Variants in SBNO2 observed in about 807,000 individuals in gnomAD.
SBNO2 encodes the protein strawberry notch homolog 2, also known as protein strawberry notch homolog 2.
SBNO2 carries 89 observed loss-of-function variants against 146.3 expected under a neutral mutation model. That is an observed-to-expected ratio of 0.61 (90% CI 0.51 to 0.73). The LOEUF is 0.73. SBNO2 is among the 30% of genes least tolerant of loss of function. The probability of loss-of-function intolerance (pLI) is 0.00; values close to 1 mark genes in which losing one functional copy is unlikely to be tolerated. For synonymous variants in SBNO2, 1,147 were observed against 892.6 expected (o/e 1.29, Z -5.08); for missense variants, 2,092 against 2,003.7 (o/e 1.04, Z -0.84).
chr19:1,127,598 A>G lies in SBNO2; in HGVS notation c.441+6T>C. ...GGGGCTGGCTGGGGGCACCGGGCGC[A>G]CTGACCTTATCGTGGGTGGAGGGGG... On this transcript the variant is annotated splice_donor_region_variant and intron_variant, in intron 5 of 31. Coordinates refer to ENST00000361757, the MANE Select transcript of SBNO2 (RefSeq NM_014963.3). 6.2e-7 allele frequency: 1 copy of G among 1,611,456 alleles called. No individual in the cohort carries two copies. The highest frequency in any genetic ancestry group is 8.5e-7 in the Non-Finnish European group (1 of 1,179,592).
chr19:1,172,267 GC>G (rs2080485249), intron 1 of SBNO2, among the ~76,000 whole-genome samples: 1 of 152,150 alleles, frequency 6.6e-6, no homozygotes, highest in Non-Finnish European at 1.5e-5. Flanking sequence ...AGGCCCTGAG[GC>G]CCCCATCCTG....
intron 5 of SBNO2, among the ~76,000 whole-genome samples, chr19:1,127,193 T>TCTGA (rs1438816865): frequency 6.6e-6 from 1 of 152,178 alleles, no homozygotes; most frequent in Non-Finnish European, 1.5e-5. Context: ...GCGCTGCCTC[T>TCTGA]CCAGGGGGCC....
At chr19:1,129,741 A>C (rs1223366091) in intron 4 of SBNO2, among the ~76,000 whole-genome samples, 1 of 152,178 alleles carries the variant, frequency 6.6e-6, no homozygotes, top group Non-Finnish European at 1.5e-5. Flanking sequence ...AGCGGGGGTG[A>C]GTTGCTATCG....
chr19:1,108,712 C>A lies in SBNO2; in HGVS notation c.3617-8G>T. 6.4e-7 allele frequency: 1 copy of A among 1,557,564 alleles called. No homozygotes were observed. Among genetic ancestry groups the A allele is most frequent in the Non-Finnish European group, 8.6e-7 (1 of 1,159,872 alleles). On this transcript the variant is annotated splice_region_variant and splice_polypyrimidine_tract_variant and intron_variant, in intron 31 of 31. Coordinates refer to ENST00000361757, the MANE Select transcript of SBNO2 (RefSeq NM_014963.3). ...CCTCGGGGATCTTGATGCCTGCGGG[C>A]AGAGCGTCGGGGTCAGGGCCGGCGC...
chr19:1,135,874 G>A (rs1369576039), intron 4 of SBNO2, among the ~76,000 whole-genome samples: 2 of 152,188 alleles, frequency 1.3e-5, no homozygotes. Flanking sequence ...GTGGCTGGGA[G>A]AAGGGCCCCT....
At chr19:1,124,318 C>T (rs2079940574) in intron 5 of SBNO2, among the ~76,000 whole-genome samples, 1 of 152,202 alleles carries the variant, frequency 6.6e-6, no homozygotes, top group Admixed American at 6.5e-5. Context: ...AGGAAGGTGC[C>T]CGGCTAGTTC....
intron 15 of SBNO2, 24 bp downstream of exon 15, chr19:1,117,299 C>G: frequency 1.3e-6 from 2 of 1,546,418 alleles, no homozygotes; most frequent in East Asian, 2.4e-5. Flanking sequence ...CCGCCCTCAG[C>G]CCTCGAAGGC....
chr19:1,138,847 C>T (rs1215095631), intron 4 of SBNO2, among the ~76,000 whole-genome samples: 2 of 151,406 alleles, frequency 1.3e-5, no homozygotes, highest in African/African-American at 2.4e-5. Flanking sequence ...GCCTCCATCA[C>T]GGACAGACAC....
intron 24 of SBNO2, 121 bp from the exon 25 acceptor site, chr19:1,111,214 G>A (rs2079755412): frequency 1.9e-6 from 2 of 1,038,334 alleles, no homozygotes; most frequent in African/African-American, 1.6e-5. Context: ...GCAGCCTAGG[G>A]CCAGGGCCAG....
rs958337079 is a variant in SBNO2 at position 1,140,369 on chromosome 19, C to T, written c.279+6940G>A. On this transcript the variant is annotated intron_variant, in intron 4 of 31. Transcript: ENST00000361757. The surrounding 1 kb of genome is among the most constrained non-coding windows in gnomAD (Gnocchi z 4.4). ...AGAACCACGGTTCACCTGCACACCG[C>T]GGCAGGGGGCCCCACCAGGACACAC... 5.3e-5 allele frequency among the ~76,000 whole-genome samples: 8 copies of T among 152,088 alleles called. No individual in the cohort carries two copies. The highest frequency in any genetic ancestry group is 1.7e-4 in the African/African-American group (7 of 41,412).
At chr19:1,147,491 C>A in intron 3 of SBNO2, 71 bp from the exon 4 acceptor site, 1 of 882,526 alleles carries the variant, frequency 1.1e-6, no homozygotes, top group Non-Finnish European at 1.7e-6. Flanking sequence ...ACACCTGCAC[C>A]CCCATGGCCG....
intron 4 of SBNO2, among the ~76,000 whole-genome samples, chr19:1,134,195 TCACAGCTCACAGGTGGACC>T (rs2080064115): frequency 1.3e-5 from 1 of 78,104 alleles, no homozygotes; most frequent in Non-Finnish European, 2.5e-5. Flanking sequence ...ACGGGTGGAC[TCACAGCTCACAGGTGGACC>T]CACAGCTCAC....
Position 1,159,416 on chromosome 19 carries a change from A to G in SBNO2, c.-126-5014T>C, listed in dbSNP as rs113292466. On this transcript the variant is annotated intron_variant, in intron 1 of 31. Transcript: ENST00000361757. ...GAAGGGCTGGAGCCAAGGGAGGGTC[A>G]GCCCAGTGAGAGACCTTGGGGGGAC... Among the ~76,000 whole-genome samples, 901 of 129,906 alleles carry G rather than the reference A, an allele frequency of 6.9e-3. 4 individuals carry two copies. The highest frequency in any genetic ancestry group is 0.015 in the Middle Eastern group (4 of 270). The allele number at this position is 129,906 out of a possible 152,430, so 85.2% of individuals were successfully genotyped here. A position where few individuals can be genotyped will look rare whatever the true frequency, so the allele number is the denominator to read the frequency against.
chr19:1,109,430 A>AG lies in SBNO2; in HGVS notation c.3217-8dup, dbSNP rs1242131828. ...TGGGCTTGTTACCGCGGACCTGCGG[A>AG]GGGGGGCGTTGAGGCCGCGCCCCGG... On this transcript the variant is annotated splice_region_variant and splice_polypyrimidine_tract_variant and intron_variant, in intron 28 of 31. Transcript: ENST00000361757. This position sits in a 1 kb window ranked among gnomAD's most constrained non-coding sequence, Gnocchi z 4.2. 14 of 1,563,902 alleles carry AG rather than the reference A, an allele frequency of 9.0e-6. No homozygotes were observed. The highest frequency in any genetic ancestry group is 1.2e-5 in the Non-Finnish European group (14 of 1,155,446).
At chr19:1,142,230 T>C (rs2080147298) in intron 4 of SBNO2, among the ~76,000 whole-genome samples, 1 of 139,008 alleles carries the variant, frequency 7.2e-6, no homozygotes, top group Middle Eastern at 4.2e-3. Context: ...CCTCCCTCAA[T>C]GACCTCCCTC....
At chr19:1,113,875 G>C (rs2079798694) in intron 18 of SBNO2, among the ~76,000 whole-genome samples, 171 bp from the exon 19 acceptor site, 1 of 152,218 alleles carries the variant, frequency 6.6e-6, no homozygotes, top group Non-Finnish European at 1.5e-5. Context: ...TTCTGCACTT[G>C]TCTCCCTGAG....
Position 1,139,607 on chromosome 19 carries a change from C to T in SBNO2, c.279+7702G>A, listed in dbSNP as rs568610843. 7.9e-5 allele frequency among the ~76,000 whole-genome samples: 12 copies of T among 152,220 alleles called. No homozygotes were observed. The East Asian group carries it at 2.3e-3, about 29-fold the overall frequency. ...ATCACGAGTTTGAGACCACCCTGGC[C>T]AACGTGGTGAAACCCCGTCTCTACT... On this transcript the variant is annotated intron_variant, in intron 4 of 31. Coordinates refer to ENST00000361757, the MANE Select transcript of SBNO2 (RefSeq NM_014963.3).
chr19:1,123,048 G>A lies in SBNO2; in HGVS notation c.629-3C>T, dbSNP rs764287078. On this transcript the variant is annotated splice_region_variant and splice_polypyrimidine_tract_variant and intron_variant, in intron 7 of 31. Coordinates refer to ENST00000361757, the MANE Select transcript of SBNO2 (RefSeq NM_014963.3). ...TGGGTGCTGCTTCCCGATCTTGGCT[G>A]GAGGAGCAAGGACGGAGGGCAAGGT... 2 of 1,591,924 alleles carry A rather than the reference G, an allele frequency of 1.3e-6. No homozygotes were observed. Among genetic ancestry groups the A allele is most frequent in the Non-Finnish European group, 1.7e-6 (2 of 1,169,756 alleles).
chr19:1,123,100 G>A, intron 7 of SBNO2, 55 bp from the exon 8 acceptor site: 5 of 1,557,998 alleles, frequency 3.2e-6, no homozygotes, highest in East Asian at 4.7e-5. Context: ...GGGTGACCAG[G>A]GCCGGTTATG....
Sources: gnomAD v4.1 joint callset for allele counts (sites outside exome capture counted in the v4.1 genomes callset) on GRCh38, gnomAD v4.1.1 for gene constraint, Gnocchi (gnomAD v3.1) non-coding constraint, MANE v1.5 for transcripts, NCBI Gene and HGNC (gene_info 2026-07-23, HGNC 2026-07-21) for gene names.